Variants in ZCWPW2 observed in about 807,000 individuals in gnomAD.
ZCWPW2 encodes the protein zinc finger CW-type and PWWP domain containing 2, also known as zinc finger CW-type PWWP domain protein 2.
ZCWPW2 carries 45 observed loss-of-function variants against 46.6 expected under a neutral mutation model. The ratio of observed to expected loss-of-function variants is 0.96; its 90% CI spans 0.76 to 1.24. The LOEUF is 1.24. ZCWPW2 is among the 50% of genes most tolerant of loss of function. ZCWPW2 has a pLI of 0.00. For missense variants in ZCWPW2, 429 were observed against 403.9 expected (o/e 1.06, Z -0.53); for synonymous variants, 152 against 137.1 (o/e 1.11, Z -0.76).
At chr3:28,462,857 C>T (rs924895896) in intron 4 of ZCWPW2, among the ~76,000 whole-genome samples, 10 of 152,050 alleles carry the variant, frequency 6.6e-5, no homozygotes, top group African/African-American at 2.4e-4. Flanking sequence ...CCTTGTTCAG[C>T]GAGTCCAAAG....
intron 4 of ZCWPW2, among the ~76,000 whole-genome samples, chr3:28,454,447 C>T (rs112820431): frequency 6.8e-4 from 104 of 152,174 alleles, no homozygotes; most frequent in African/African-American, 2.4e-3. Context: ...TTCATGAGTA[C>T]GCATTATACT....
intron 2 of ZCWPW2, among the ~76,000 whole-genome samples, chr3:28,395,708 C>T (rs77323416): frequency 0.011 from 1,682 of 152,110 alleles, 27 homozygotes; most frequent in African/African-American, 0.03. Flanking sequence ...TAAAGTTGTA[C>T]TGATGGAAAC....
intron 3 of ZCWPW2, among the ~76,000 whole-genome samples, chr3:28,423,602 ATG>A (rs1696885923): frequency 6.6e-6 from 1 of 151,634 alleles, no homozygotes; most frequent in African/African-American, 2.4e-5. Context: ...TCCTAACCTC[ATG>A]ATCCTCCCAC....
chr3:28,413,189 T>A lies in ZCWPW2; in HGVS notation c.121T>A (p.Trp41Arg), dbSNP rs1262254349. The change falls in exon 3 of 10, where the codon TGG (tryptophan) becomes AGG (arginine). Residue 41 changes from tryptophan (W) to arginine (R), a missense_variant. Coordinates refer to ENST00000383768, the MANE Select transcript of ZCWPW2 (RefSeq NM_001040432.4). ...VQCENENCLK[W>R]RLLSSEDSAK... is the part of the protein sequence containing the mutation. ...ATGTGAGAATGAAAATTGTTTGAAA[T>A]GGAGATTGTTATCAAGTGAGGATTC... is the stretch of plus-strand genomic sequence containing the variant. 6.2e-7 allele frequency: 1 copy of A among 1,613,356 alleles called. No individual in the cohort carries two copies. The highest frequency in any genetic ancestry group is 8.5e-7 in the Non-Finnish European group (1 of 1,179,556).
At chr3:28,509,392 A>G (rs1700365834) in intron 6 of ZCWPW2, among the ~76,000 whole-genome samples, 1 of 152,154 alleles carries the variant, frequency 6.6e-6, no homozygotes, top group Non-Finnish European at 1.5e-5. Context: ...TGAGGTTTTG[A>G]GGAACTACTA....
intron 1 of ZCWPW2, among the ~76,000 whole-genome samples, chr3:28,373,285 G>T (rs896931538): frequency 2.6e-5 from 4 of 152,036 alleles, no homozygotes; most frequent in Non-Finnish European, 2.9e-5. Flanking sequence ...AGAATAGGAG[G>T]GTTCCCCTTT....
intron 4 of ZCWPW2, among the ~76,000 whole-genome samples, chr3:28,459,926 A>G (rs1375756676): frequency 6.6e-6 from 1 of 152,188 alleles, no homozygotes; most frequent in Non-Finnish European, 1.5e-5. Flanking sequence ...TAGTAAATAT[A>G]TGTTAAAGTC....
chr3:28,429,762 C>A (rs1184967173), intron 3 of ZCWPW2, among the ~76,000 whole-genome samples: 2 of 152,064 alleles, frequency 1.3e-5, no homozygotes, highest in African/African-American at 4.8e-5. Flanking sequence ...TGCCCTGTGT[C>A]CCAGCCATGG....
In ZCWPW2 at chr3:28,520,129, G is replaced by A. The variant is rs111329647; in HGVS notation, c.785-863G>A. Among the ~76,000 whole-genome samples the A allele has an allele frequency of 4.0e-3, 602 of 150,862 alleles. 4 individuals carry two copies. Among genetic ancestry groups the A allele is most frequent in the African/African-American group, 0.014 (565 of 41,096 alleles). ...ACGCCATTCTCCTGCCCCAGCCTCC[G>A]GAGTAGCTGGTACTACAGGCACCCA... On this transcript the variant is annotated intron_variant, in intron 8 of 9. Coordinates refer to ENST00000383768, the MANE Select transcript of ZCWPW2 (RefSeq NM_001040432.4).
At chr3:28,454,362 G>C (rs982807160) in intron 4 of ZCWPW2, among the ~76,000 whole-genome samples, 1 of 152,174 alleles carries the variant, frequency 6.6e-6, no homozygotes, top group African/African-American at 2.4e-5. Context: ...TTGTAAGAAA[G>C]AGGAGGATAT....
intron 1 of ZCWPW2, among the ~76,000 whole-genome samples, chr3:28,364,657 ATTATAC>A (rs1705061740): frequency 6.7e-6 from 1 of 149,420 alleles, no homozygotes; most frequent in Non-Finnish European, 1.5e-5. Flanking sequence ...CTTTTTTTTT[ATTATAC>A]TTTAAGTTTT....
At chr3:28,392,713 T>A (rs968735507) in intron 2 of ZCWPW2, among the ~76,000 whole-genome samples, 1 of 151,694 alleles carries the variant, frequency 6.6e-6, no homozygotes, top group East Asian at 1.9e-4. Flanking sequence ...GCACAACCAA[T>A]GGCTCACTGA....
intron 1 of ZCWPW2, among the ~76,000 whole-genome samples, chr3:28,386,156 G>A (rs886996419): frequency 3.3e-5 from 5 of 152,052 alleles, no homozygotes; most frequent in African/African-American, 1.2e-4. Context: ...TCCTAAGAAA[G>A]TAATTAGGAA....
At chr3:28,514,170 A>G (rs780861163) in intron 7 of ZCWPW2, 48 bp downstream of exon 7, 14 of 1,283,896 alleles carry the variant, frequency 1.1e-5, no homozygotes, top group Non-Finnish European at 1.5e-5. Flanking sequence ...TGAAATATAT[A>G]TTGGATTTAG....
chr3:28,414,197 T>A (rs1404278402), intron 3 of ZCWPW2, among the ~76,000 whole-genome samples: 2 of 151,916 alleles, frequency 1.3e-5, no homozygotes, highest in East Asian at 3.9e-4. Flanking sequence ...TTTTCTCTTT[T>A]CAATTTTTAT....
intron 8 of ZCWPW2, among the ~76,000 whole-genome samples, chr3:28,517,973 TAA>T (rs1282102403): frequency 2.0e-5 from 3 of 151,812 alleles, no homozygotes; most frequent in Non-Finnish European, 4.4e-5. Flanking sequence ...CTGTCTCTAC[TAA>T]AAATACAAAA....
chr3:28,354,797 C>G (rs9875239), intron 1 of ZCWPW2, among the ~76,000 whole-genome samples: 9,385 of 73,542 alleles, frequency 0.13, 1,013 homozygotes, highest in African/African-American at 0.29. Flanking sequence ...TGACAAAATT[C>G]AACAACCCTT....
intron 2 of ZCWPW2, among the ~76,000 whole-genome samples, chr3:28,394,588 A>G (rs1407867226): frequency 2.0e-5 from 3 of 152,078 alleles, no homozygotes; most frequent in Non-Finnish European, 4.4e-5. Flanking sequence ...AGAGGAAGAG[A>G]CCAGAAATAA....
chr3:28,417,133 G>C (rs1231861781), intron 3 of ZCWPW2, among the ~76,000 whole-genome samples: 1 of 147,114 alleles, frequency 6.8e-6, no homozygotes, highest in Non-Finnish European at 1.5e-5. Flanking sequence ...AAAAGACAAA[G>C]GGGATATCAC....
Sources: allele counts gnomAD v4.1 joint callset (sites outside exome capture counted in the v4.1 genomes callset), GRCh38; gene constraint gnomAD v4.1.1; transcripts MANE v1.5; gene names NCBI Gene and HGNC (gene_info 2026-07-23, HGNC 2026-07-21).